Variants in A2M observed in about 807,000 individuals in gnomAD.
A2M encodes the protein alpha-2-macroglobulin, also known as C3 and PZP-like alpha-2-macroglobulin domain-containing protein 5.
A2M carries 128 observed loss-of-function variants against 183.9 expected under a neutral mutation model. The ratio of observed to expected loss-of-function variants is 0.70; its 90% confidence interval spans 0.60 to 0.81. A2M has a LOEUF of 0.81. Among genes scored for constraint, A2M ranks in the 30% least tolerant of loss-of-function variants. The probability of loss-of-function intolerance (pLI) is 0.00; values close to 1 mark genes in which losing one functional copy is unlikely to be tolerated. For synonymous variants in A2M, 592 were observed against 670.8 expected, an observed-to-expected ratio of 0.88 and a Z score of 1.81; for missense variants, 1,495 against 1,787.6, an observed-to-expected ratio of 0.84 and a Z score of 2.95.
In A2M at chr12:9,094,960, A is replaced by C; in HGVS notation, c.2125+13T>G. Reference sequence around the variant, plus strand: ...TATATTAGGCAATATATATTTATTAATTTTTTGTTTACCATAAAAACCTAC... The same window carrying C: ...TATATTAGGCAATATATATTTATTACTTTTTTGTTTACCATAAAAACCTAC... On this transcript the variant is annotated intron_variant, in intron 17 of 35. Coordinates refer to ENST00000318602, the MANE Select transcript of A2M (RefSeq NM_000014.6). The C allele has an allele frequency of 1.4e-6, 2 of 1,397,728 alleles. No individual in the cohort carries two copies. Among genetic ancestry groups the C allele is most frequent in the Non-Finnish European group, 1.9e-6 (2 of 1,036,724 alleles). 86.6% of individuals were successfully genotyped at this position (1,397,728 alleles called of 1,614,324 possible). A position where few individuals can be genotyped will look rare whatever the true frequency, so the allele number is the denominator to read the frequency against.
In A2M at chr12:9,076,604, A is replaced by G. The variant is rs146351170; in HGVS notation, c.3532+152T>C. 5.5e-3 allele frequency among the ~76,000 whole-genome samples: 841 copies of G among 152,340 alleles called. 5 individuals carry two copies. The highest frequency in any genetic ancestry group is 0.019 in the African/African-American group (773 of 41,570). On this transcript the variant is annotated intron_variant, in intron 28 of 35. Transcript: ENST00000318602. ...TTCTGATTTGATTAAGAAATCCTAG[A>G]TTTTATAAGATGCAATATGGACAAA...
At chr12:9,074,464 A>G in intron 29 of A2M, 96 bp downstream of exon 29, 2 of 1,187,530 alleles carry the variant, frequency 1.7e-6, no homozygotes, top group South Asian at 1.5e-5. Flanking sequence ...AGTTACTGTC[A>G]TCTGTATTTT....
intron 18 of A2M, among the ~76,000 whole-genome samples, chr12:9,092,384 C>G (rs1949239419): frequency 6.6e-6 from 1 of 152,064 alleles, no homozygotes; most frequent in Non-Finnish European, 1.5e-5. Context: ...TTTAAATAGG[C>G]CTTTGAGCAA....
At chr12:9,073,059 AC>A (rs750264016) in intron 29 of A2M, among the ~76,000 whole-genome samples, 188 bp from the exon 30 acceptor site, 85 of 152,350 alleles carry the variant, frequency 5.6e-4, no homozygotes, top group Middle Eastern at 3.4e-3. Context: ...TCACATATCT[AC>A]CTTGGACTGT....
At chr12:9,075,338 C>T (rs1340880353) in intron 28 of A2M, among the ~76,000 whole-genome samples, 1 of 152,078 alleles carries the variant, frequency 6.6e-6, no homozygotes. Flanking sequence ...TGTGCTTAGC[C>T]CACTAATCAG....
In A2M at chr12:9,070,592, G is replaced by A; in HGVS notation, c.4104-14C>T. The A allele has an allele frequency of 6.3e-7, 1 of 1,590,578 alleles. No homozygotes were observed. The highest frequency in any genetic ancestry group is 8.6e-7 in the Non-Finnish European group (1 of 1,160,624). On this transcript the variant is annotated splice_polypyrimidine_tract_variant and intron_variant, in intron 31 of 35. Coordinates refer to ENST00000318602, the MANE Select transcript of A2M (RefSeq NM_000014.6). ...CTCCCTGTGTAACTGAGGATCCAGG[G>A]GAGGAAAGGATTAGGGTTTTCTGTG... is the stretch of plus-strand genomic sequence containing the variant.
chr12:9,095,047 C>A lies in A2M; in HGVS notation c.2051G>T (p.Arg684Leu). The A allele has an allele frequency of 6.3e-7, 1 of 1,595,122 alleles. No individual in the cohort carries two copies. The highest frequency in any genetic ancestry group is 1.2e-5 in the South Asian group (1 of 86,802). ...AAGCTGTGGACACATTTTGGGTTTACGAATCTTTGAGTTGGTGAATGCCTT... is the reference window on the plus strand; with the variant it reads ...AAGCTGTGGACACATTTTGGGTTTAAGAATCTTTGAGTTGGTGAATGCCTT... ...GLKAFTNSKI[R>L]KPKMCPQLQQ... Residue 684 changes from arginine to leucine, a missense_variant, in exon 17 of 36, where the codon CGT becomes CTT. Physicochemically the swap from Arg to Leu is moderately radical, Grantham distance 102. Coordinates refer to ENST00000318602, the MANE Select transcript of A2M (RefSeq NM_000014.6).
intron 18 of A2M, among the ~76,000 whole-genome samples, chr12:9,093,040 G>C (rs1949259861): frequency 6.6e-6 from 1 of 152,204 alleles, no homozygotes; most frequent in Admixed American, 6.5e-5. Context: ...GTATGTGGAT[G>C]CTAAAAGAAG....
At chr12:9,098,031 C>T (rs1949437707) in intron 15 of A2M, among the ~76,000 whole-genome samples, 1 of 152,212 alleles carries the variant, frequency 6.6e-6, no homozygotes, top group Non-Finnish European at 1.5e-5. Flanking sequence ...AATGTTGAAA[C>T]TAGTTTGACA....
chr12:9,094,482 C>A (rs757958157), intron 17 of A2M, among the ~76,000 whole-genome samples: 1 of 144,512 alleles, frequency 6.9e-6, no homozygotes, highest in African/African-American at 2.8e-5. Flanking sequence ...TCCATAGAGC[C>A]AACTGATTCT....
chr12:9,094,905 T>A, intron 17 of A2M, 68 bp downstream of exon 17: 1 of 817,116 alleles, frequency 1.2e-6, no homozygotes. Flanking sequence ...TGTCACATTG[T>A]ATCTTTTAAA....
intron 1 of A2M, chr12:9,115,501 A>G (rs1409993641): frequency 2.8e-6 from 1 of 356,662 alleles, no homozygotes; most frequent in African/African-American, 2.1e-5. Flanking sequence ...ATGAATGTGA[A>G]TATCTAAAAT....
In A2M at chr12:9,112,188, C is replaced by T; in HGVS notation, c.454G>A (p.Asp152Asn). Residue 152 changes from aspartate (D) to asparagine (N), a missense_variant, in exon 4 of 36, where the codon GAT becomes AAT. Coordinates refer to ENST00000318602, the MANE Select transcript of A2M (RefSeq NM_000014.6). Reference sequence around the variant, plus strand: ...TCATTCAGGGGGTGAAAGTTTTCATCCATGGAGACAACACGAAATTTCACT... The same window carrying T: ...TCATTCAGGGGGTGAAAGTTTTCATTCATGGAGACAACACGAAATTTCACT... ...QTVKFRVVSMDENFHPLNELI... is the reference protein window; with the variant it reads ...QTVKFRVVSMNENFHPLNELI... The T allele has an allele frequency of 2.5e-6, 4 of 1,613,784 alleles. No individual in the cohort carries two copies. The highest frequency in any genetic ancestry group is 3.4e-6 in the Non-Finnish European group (4 of 1,179,778).
chr12:9,082,580 A>G (rs1369454219), intron 22 of A2M, among the ~76,000 whole-genome samples: 2 of 152,234 alleles, frequency 1.3e-5, no homozygotes, highest in East Asian at 3.8e-4. Flanking sequence ...AAGAATACCT[A>G]TAAAAACCAG....
intron 27 of A2M, among the ~76,000 whole-genome samples, 200 bp downstream of exon 27, chr12:9,077,146 A>T (rs2137686373): frequency 6.6e-6 from 1 of 152,332 alleles, no homozygotes; most frequent in East Asian, 1.9e-4. Context: ...GGTGGTGGTA[A>T]ATAGCCTAGG....
intron 19 of A2M, among the ~76,000 whole-genome samples, chr12:9,090,781 CG>C (rs745972623): frequency 1.9e-3 from 283 of 152,212 alleles, no homozygotes; most frequent in African/African-American, 6.5e-3. Flanking sequence ...ACCATTCCCC[CG>C]GATCTCCCGG....
At chr12:9,070,978 G>A (rs7310167) in intron 31 of A2M, among the ~76,000 whole-genome samples, 6 of 151,860 alleles carry the variant, frequency 4.0e-5, no homozygotes, top group Non-Finnish European at 7.4e-5. Context: ...GCACCACCAC[G>A]TCCGACTAAT....
At chr12:9,113,918 A>G (rs1332059079) in intron 1 of A2M, among the ~76,000 whole-genome samples, 1 of 152,246 alleles carries the variant, frequency 6.6e-6, no homozygotes, top group Non-Finnish European at 1.5e-5. Flanking sequence ...TCATGCGGAC[A>G]TTACAAAAAC....
intron 10 of A2M, among the ~76,000 whole-genome samples, chr12:9,105,380 AT>A (rs1938205176): frequency 6.6e-6 from 1 of 152,222 alleles, no homozygotes; most frequent in African/African-American, 2.4e-5. Flanking sequence ...AAATTTACAA[AT>A]GAGCTACACT....
Sources: gnomAD v4.1 joint callset for allele counts (sites outside exome capture counted in the v4.1 genomes callset) on GRCh38, gnomAD v4.1.1 for gene constraint, MANE v1.5 for transcripts, NCBI Gene and HGNC (gene_info 2026-07-23, HGNC 2026-07-21) for gene names.